The following DGKG variants were observed in gnomAD, a reference collection of about 807,000 sequenced individuals.
The protein encoded by DGKG is DAG kinase gamma.
A neutral mutation model predicts 105.3 loss-of-function variants in DGKG; 78 were observed. That is an observed-to-expected ratio of 0.74 (90% confidence interval 0.62 to 0.89). The LOEUF is 0.89. Ranked by LOEUF, DGKG falls within the 40% of genes least tolerant of loss-of-function variation. The pLI is 0.00. For missense variants in DGKG, 958 were observed against 1,020.1 expected (o/e 0.94, Z 0.83); for synonymous variants, 346 against 367.1 (o/e 0.94, Z 0.66).
chr3:186,354,750 A>G (rs1726825515), intron 1 of DGKG, among the ~76,000 whole-genome samples: 1 of 152,228 alleles, frequency 6.6e-6, no homozygotes. Flanking sequence ...ATATTTTTGC[A>G]GGAAATAAAG....
Position 186,261,709 on chromosome 3 carries a change from G to T in DGKG, c.1339C>A (p.Gln447Lys). Reference protein sequence around the residue: ...VLVNPKSGGRQGERILRKFHY... With the variant: ...VLVNPKSGGRKGERILRKFHY... ...CAGAAGAGAACGTACCTTTCTCCTT[G>T]TCTCCCTCCACTCTTGGGGTTCACC... Residue 447 changes from glutamine to lysine, a missense_variant, in exon 15 of 25, where the codon CAA becomes AAA. Physicochemically the swap from Gln to Lys is moderately conservative, Grantham distance 53. Transcript: ENST00000265022. 6.2e-7 allele frequency: 1 copy of T among 1,604,910 alleles called. No individual in the cohort carries two copies. The highest frequency in any genetic ancestry group is 8.5e-7 in the Non-Finnish European group (1 of 1,175,724).
chr3:186,183,734 C>T (rs1219291969), intron 22 of DGKG, among the ~76,000 whole-genome samples: 9 of 148,206 alleles, frequency 6.1e-5, no homozygotes, highest in African/African-American at 1.5e-4. Flanking sequence ...GATGAAGTTT[C>T]GCTCTTGTTG....
intron 20 of DGKG, among the ~76,000 whole-genome samples, chr3:186,229,610 G>A (rs1409721394): frequency 6.6e-6 from 1 of 152,212 alleles, no homozygotes; most frequent in African/African-American, 2.4e-5. Context: ...CAGCTGTGGT[G>A]CTTTGTTATG....
chr3:186,160,763 C>A lies in DGKG; in HGVS notation c.2277+840G>T, dbSNP rs1294184586. On this transcript the variant is annotated intron_variant, in intron 24 of 24. Transcript: ENST00000265022. ...TACGCATGTAGTATCCCAGCAGAGG[C>A]CCTGAAAACCAGGACGACGATTGCT... is the stretch of plus-strand genomic sequence containing the variant. The A allele has an allele frequency of 1.5e-5, 15 of 985,290 alleles. No individual in the cohort carries two copies. In the East Asian group the frequency reaches 1.4e-3, roughly 89 times the overall value. The allele number at this position is 985,290 out of a possible 1,614,324, so 61.0% of individuals were successfully genotyped here.
At chr3:186,251,581 G>A (rs560006167) in intron 19 of DGKG, among the ~76,000 whole-genome samples, 178 bp downstream of exon 19, 3 of 152,302 alleles carry the variant, frequency 2.0e-5, no homozygotes, top group South Asian at 2.1e-4. Flanking sequence ...GGAATAAAGC[G>A]GGGGTGCAAT....
chr3:186,223,671 C>G (rs1033980565), intron 20 of DGKG, among the ~76,000 whole-genome samples: 2 of 152,176 alleles, frequency 1.3e-5, no homozygotes, highest in African/African-American at 4.8e-5. Flanking sequence ...GAGAAGACTG[C>G]GGTAGACCCT....
intron 11 of DGKG, among the ~76,000 whole-genome samples, chr3:186,271,428 C>A (rs568029435): frequency 6.6e-5 from 10 of 152,114 alleles, no homozygotes; most frequent in Non-Finnish European, 1.5e-4. Context: ...CCTGGGGGAC[C>A]CTCAGCACAG....
At chr3:186,179,334 T>C (rs1717248477) in intron 22 of DGKG, among the ~76,000 whole-genome samples, 2 of 152,236 alleles carry the variant, frequency 1.3e-5, no homozygotes, top group South Asian at 4.1e-4. Flanking sequence ...GCACCTAGCC[T>C]AATTATTTTA....
intron 20 of DGKG, among the ~76,000 whole-genome samples, chr3:186,229,569 A>G (rs942183111): frequency 7.2e-5 from 11 of 152,098 alleles, no homozygotes; most frequent in African/African-American, 2.7e-4. Context: ...TAGAGCTACG[A>G]GCGAATACAT....
At chr3:186,334,656 C>A (rs1416390313) in intron 1 of DGKG, among the ~76,000 whole-genome samples, 1 of 152,150 alleles carries the variant, frequency 6.6e-6, no homozygotes, top group Non-Finnish European at 1.5e-5. Flanking sequence ...AAACAACTTG[C>A]ACAAATTAGC....
At chr3:186,332,781 C>T (rs1306815251) in intron 1 of DGKG, among the ~76,000 whole-genome samples, 1 of 152,082 alleles carries the variant, frequency 6.6e-6, no homozygotes, top group Non-Finnish European at 1.5e-5. Flanking sequence ...TCCAAAGTGG[C>T]AGTATTGAGA....
chr3:186,155,341 C>T (rs1715983982), intron 24 of DGKG, among the ~76,000 whole-genome samples: 1 of 152,064 alleles, frequency 6.6e-6, no homozygotes, highest in African/African-American at 2.4e-5. Context: ...TACAGGCACC[C>T]ACCACCATGC....
intron 1 of DGKG, among the ~76,000 whole-genome samples, chr3:186,329,483 A>C (rs1000390934): frequency 1.3e-5 from 2 of 152,174 alleles, no homozygotes; most frequent in African/African-American, 4.8e-5. Context: ...TCCAGGAACA[A>C]ACACCTCCTC....
intron 2 of DGKG, among the ~76,000 whole-genome samples, chr3:186,315,494 T>C (rs3819850): frequency 0.58 from 87,932 of 151,906 alleles, 26,116 homozygotes; most frequent in Middle Eastern, 0.67. Flanking sequence ...ATGTCCATCG[T>C]AAACCATAGT....
intron 19 of DGKG, among the ~76,000 whole-genome samples, chr3:186,247,271 T>A (rs1411462537): frequency 6.6e-6 from 1 of 152,154 alleles, no homozygotes; most frequent in Admixed American, 6.5e-5. Context: ...CCTTATTTAT[T>A]CCCTCAGCTA....
intron 1 of DGKG, among the ~76,000 whole-genome samples, chr3:186,356,989 C>T (rs1056632679): frequency 6.6e-6 from 1 of 152,256 alleles, no homozygotes; most frequent in Admixed American, 6.5e-5. Flanking sequence ...GTTCTTTCCT[C>T]GCAGAGGCTC....
chr3:186,189,865 C>CT (rs1717821835), intron 21 of DGKG, among the ~76,000 whole-genome samples: 2 of 152,124 alleles, frequency 1.3e-5, no homozygotes, highest in South Asian at 4.1e-4. Context: ...CTTGTTTCCA[C>CT]CAGTTGGTCC....
chr3:186,303,868 G>C (rs1047662905), intron 3 of DGKG, among the ~76,000 whole-genome samples: 1 of 152,134 alleles, frequency 6.6e-6, no homozygotes, highest in African/African-American at 2.4e-5. Flanking sequence ...CAGCTAACTC[G>C]TTTCTCATTG....
chr3:186,298,204 A>G lies in DGKG; in HGVS notation c.170T>C (p.Leu57Pro), dbSNP rs1165891260. ...CACCTCCAGGTACGCCCTCATGAAC[A>G]GCTTGAAGACATCATAGCTAATCGG... ...HEPISYDVFK[L>P]FMRAYLEVDL... The change falls in exon 4 of 25, where the codon CTG becomes CCG. Residue 57 changes from leucine to proline, a missense_variant. This residue lies in a region of DGKG where 643 missense variants were observed against 619.5 expected (regional missense o/e 1.04). Transcript: ENST00000265022. 6 of 1,610,260 alleles carry G rather than the reference A, an allele frequency of 3.7e-6. No homozygotes were observed. The highest frequency in any genetic ancestry group is 5.1e-6 in the Non-Finnish European group (6 of 1,178,468).
Sources: gnomAD v4.1 joint callset for allele counts (sites outside exome capture counted in the v4.1 genomes callset) on GRCh38, gnomAD v4.1.1 for gene constraint, gnomAD v4.1.1 regional missense constraint, MANE v1.5 for transcripts, NCBI Gene and HGNC (gene_info 2026-07-23, HGNC 2026-07-21) for gene names.